Variants in RGS7 observed in about 807,000 individuals in gnomAD.
RGS7 encodes regulator of G protein signaling 7, also known as regulator of G-protein signaling 7.
In RGS7, 27 loss-of-function variants were observed where a neutral mutation model predicts 81.1. The ratio of observed to expected loss-of-function variants is 0.33; its 90% CI spans 0.25 to 0.46. The LOEUF is 0.46. Among genes scored for constraint, RGS7 ranks in the 20% least tolerant of loss-of-function variants. The probability of loss-of-function intolerance (pLI) is 1.00; values close to 1 mark genes in which losing one functional copy is unlikely to be tolerated. For synonymous variants in RGS7, 208 were observed against 207.7 expected (o/e 1.00, Z -0.01); for missense variants, 396 against 607.4 (o/e 0.65, Z 3.66).
chr1:241,059,540 C>T (rs2061640393), intron 3 of RGS7, among the ~76,000 whole-genome samples: 1 of 152,118 alleles, frequency 6.6e-6, no homozygotes, highest in Non-Finnish European at 1.5e-5. Context: ...TCCCAGAAGG[C>T]CAAATTAGAC....
intron 3 of RGS7, among the ~76,000 whole-genome samples, chr1:241,036,798 A>G (rs1385862130): frequency 6.6e-6 from 1 of 152,178 alleles, no homozygotes; most frequent in African/African-American, 2.4e-5. Context: ...GGGCCACATG[A>G]CTGAGTACCA....
intron 3 of RGS7, among the ~76,000 whole-genome samples, chr1:240,995,155 T>C (rs1488935565): frequency 6.6e-6 from 1 of 152,222 alleles, no homozygotes; most frequent in Non-Finnish European, 1.5e-5. Context: ...GGGTTAATTT[T>C]TGAATATTTA....
chr1:240,802,916 C>T lies in RGS7; in HGVS notation c.1347G>A (p.Gln449=). ...AAAAAACCAGTACCTTTTTCTTTGC[C>T]TGTAGAAGCTCCTGATAGGCACTGG... ...IRSSAYQELL[Q]AKKKSGNSMD... Residue 449 remains glutamine, a synonymous_variant, in exon 16 of 19, where the codon CAG becomes CAA. Transcript: ENST00000440928. 6.2e-7 allele frequency: 1 copy of T among 1,609,348 alleles called. No homozygotes were observed. The highest frequency in any genetic ancestry group is 8.5e-7 in the Non-Finnish European group (1 of 1,175,968).
chr1:241,217,507 A>C (rs2074639598), intron 2 of RGS7, among the ~76,000 whole-genome samples: 1 of 152,096 alleles, frequency 6.6e-6, no homozygotes, highest in Admixed American at 6.5e-5. Flanking sequence ...TACTGGCAAA[A>C]ATTTCCCTCA....
chr1:241,235,909 T>TGAGAGAGAGAGAGAGAGAGAGAGAGAGA (rs1553294805), intron 2 of RGS7, among the ~76,000 whole-genome samples: 1 of 137,900 alleles, frequency 7.3e-6, no homozygotes, highest in Non-Finnish European at 1.6e-5. Flanking sequence ...AGATGCACTT[T>TGAGAGAGAGAGAGAGAGAGAGAGAGAGA]GAGAGAGAGA....
intron 10 of RGS7, among the ~76,000 whole-genome samples, chr1:240,822,563 T>G (rs1292318091): frequency 1.3e-5 from 2 of 152,220 alleles, no homozygotes; most frequent in Non-Finnish European, 2.9e-5. Context: ...TTTAATGCAT[T>G]TACTTTCATA....
chr1:240,812,818 T>C (rs1385309536), intron 13 of RGS7, among the ~76,000 whole-genome samples: 1 of 152,190 alleles, frequency 6.6e-6, no homozygotes, highest in Non-Finnish European at 1.5e-5. Flanking sequence ...AAGATCTCAA[T>C]ACTAGCTAAT....
At chr1:240,944,766 T>C (rs76475509) in intron 4 of RGS7, among the ~76,000 whole-genome samples, 18,619 of 152,224 alleles carry the variant, frequency 0.12, 1,440 homozygotes, top group African/African-American at 0.22. Context: ...CAGTCTGGAG[T>C]GCAGTGGCGC....
At chr1:240,830,702 T>A (rs1180124161) in intron 9 of RGS7, among the ~76,000 whole-genome samples, 1 of 152,200 alleles carries the variant, frequency 6.6e-6, no homozygotes, top group African/African-American at 2.4e-5. Context: ...CTGTATTTTC[T>A]TTATACATCT....
Position 241,328,569 on chromosome 1 carries a change from T to TA in RGS7, c.78+27129dup, listed in dbSNP as rs571058880. ...TTTGACCAGGTTAATTTAACCTGTC[T>TA]AAATTTTCACCTTCTGCCTGCTCAC... On this transcript the variant is annotated intron_variant, in intron 2 of 18. Transcript: ENST00000440928. Among the ~76,000 whole-genome samples the TA allele has an allele frequency of 6.8e-3, 1,034 of 152,320 alleles. 9 individuals carry two copies. Among genetic ancestry groups the TA allele is most frequent in the Middle Eastern group, 0.01 (3 of 294 alleles).
At chr1:241,226,006 G>A (rs1045469725) in intron 2 of RGS7, among the ~76,000 whole-genome samples, 4 of 152,144 alleles carry the variant, frequency 2.6e-5, no homozygotes, top group African/African-American at 9.7e-5. Context: ...CTTGGAGCCA[G>A]GAGAAAGTTT....
At chr1:241,113,696 A>G (rs1442501808) in intron 2 of RGS7, among the ~76,000 whole-genome samples, 1 of 152,162 alleles carries the variant, frequency 6.6e-6, no homozygotes, top group African/African-American at 2.4e-5. Flanking sequence ...GATGTTAGGA[A>G]AATAATTTAG....
At chr1:240,872,091 T>C (rs1664594421) in intron 6 of RGS7, among the ~76,000 whole-genome samples, 2 of 152,158 alleles carry the variant, frequency 1.3e-5, no homozygotes, top group Admixed American at 6.6e-5. Flanking sequence ...AGGTGTCCTA[T>C]GATGTGATTT....
At chr1:241,265,690 GA>G (rs1020481463) in intron 2 of RGS7, among the ~76,000 whole-genome samples, 2 of 150,414 alleles carry the variant, frequency 1.3e-5, no homozygotes, top group Non-Finnish European at 3.0e-5. Flanking sequence ...TCAATCTAAG[GA>G]AAAAAACAGA....
intron 3 of RGS7, among the ~76,000 whole-genome samples, chr1:241,034,808 T>C (rs942725770): frequency 2.6e-5 from 4 of 152,122 alleles, no homozygotes; most frequent in African/African-American, 7.2e-5. Context: ...TAATGTTAAA[T>C]AGACTGAACA....
At chr1:240,998,231 G>C (rs536655411) in intron 3 of RGS7, among the ~76,000 whole-genome samples, 1 of 152,134 alleles carries the variant, frequency 6.6e-6, no homozygotes, top group African/African-American at 2.4e-5. Context: ...CTGCTTTCAA[G>C]ATGTTTGTTT....
chr1:240,851,384 C>T (rs1179538175), intron 9 of RGS7, among the ~76,000 whole-genome samples: 3 of 152,172 alleles, frequency 2.0e-5, no homozygotes, highest in Admixed American at 1.3e-4. Context: ...ACCTACTGCT[C>T]AGAGAAAAGG....
At chr1:241,126,282 T>A (rs1205678860) in intron 2 of RGS7, among the ~76,000 whole-genome samples, 1 of 152,092 alleles carries the variant, frequency 6.6e-6, no homozygotes, top group Admixed American at 6.6e-5. Flanking sequence ...CCTGAGTAGC[T>A]GGGATTACAG....
At chr1:240,980,996 G>T (rs188029556) in intron 4 of RGS7, among the ~76,000 whole-genome samples, 88 of 152,284 alleles carry the variant, frequency 5.8e-4, no homozygotes, top group Non-Finnish European at 8.2e-4. Flanking sequence ...GCTAAAACAA[G>T]ATCCTACCTG....
Sources: gnomAD v4.1 joint callset for allele counts (sites outside exome capture counted in the v4.1 genomes callset) on GRCh38, gnomAD v4.1.1 for gene constraint, MANE v1.5 for transcripts, NCBI Gene and HGNC (gene_info 2026-07-23, HGNC 2026-07-21) for gene names.